MOK: variants seen among roughly 807,000 people sequenced by gnomAD.
MOK encodes MOK protein kinase.
Under a neutral mutation model 54.2 loss-of-function variants are expected in MOK, and 59 were observed. The observed-to-expected ratio is 1.09, with a 90% CI of 0.88 to 1.35. The LOEUF (loss-of-function observed/expected upper bound fraction) is 1.35, where lower values mean the gene tolerates loss of function less well. Among genes scored for constraint, MOK ranks in the 40% most tolerant of loss-of-function variants. The pLI, the probability that MOK is intolerant of heterozygous loss-of-function variation, is 0.00. For missense variants in MOK, 517 were observed against 526.2 expected, an observed-to-expected ratio of 0.98 and a Z score of 0.17; for synonymous variants, 210 against 202.7, an observed-to-expected ratio of 1.04 and a Z score of -0.31.
In MOK at chr14:102,245,790, C is replaced by T. The variant is rs1427143015; in HGVS notation, c.590+5022G>A. On this transcript the variant is annotated intron_variant, in intron 7 of 11. Transcript: ENST00000361847. The surrounding 1 kb of genome is among the most constrained non-coding windows in gnomAD (Gnocchi z 4.3). ...TGACACTTACAACCCCTACTGCAGCCAAACTCTCAGGACATACCCCCTAGT... is the reference window on the plus strand; with the variant it reads ...TGACACTTACAACCCCTACTGCAGCTAAACTCTCAGGACATACCCCCTAGT... Among the ~76,000 whole-genome samples the T allele has an allele frequency of 6.6e-6, 1 of 152,114 alleles. No individual in the cohort carries two copies. The highest frequency in any genetic ancestry group is 2.4e-5 in the African/African-American group (1 of 41,422).
downstream of MOK, chr14:102,225,588 T>A (rs2064210958): frequency 6.5e-6 from 1 of 152,698 alleles, no homozygotes; most frequent in South Asian, 2.1e-4. Flanking sequence ...CACCCTTCGC[T>A]GGTTCTGGAA....
rs1329391800 is a variant in MOK at position 102,235,303 on chromosome 14, T to C, written c.591-1514A>G. 1 of 152,284 alleles carries C rather than the reference T, an allele frequency of 6.6e-6. No homozygotes were observed. Among genetic ancestry groups the C allele is most frequent in the Non-Finnish European group, 1.5e-5 (1 of 68,058 alleles). The allele number at this position is 152,284 out of a possible 1,614,324, so 9.4% of individuals were successfully genotyped here. On this transcript the variant is annotated intron_variant, in intron 7 of 11. Transcript: ENST00000361847. This position sits in a 1 kb window ranked among gnomAD's most constrained non-coding sequence, Gnocchi z 4.4. Reference sequence around the variant, plus strand: ...CCCAAATTGAGAAACGTCCAGGTTCTTCTCCGATCCCGACACTTACATCAA... The same window carrying C: ...CCCAAATTGAGAAACGTCCAGGTTCCTCTCCGATCCCGACACTTACATCAA...
intron 4 of MOK, among the ~76,000 whole-genome samples, 187 bp from the exon 5 acceptor site, chr14:102,252,182 T>C (rs2066585907): frequency 1.3e-5 from 2 of 152,180 alleles, no homozygotes; most frequent in Non-Finnish European, 2.9e-5. Context: ...TTCCATATAC[T>C]GGCCAGGGGC....
intron 2 of MOK, chr14:102,278,764 C>T (rs758364454): frequency 5.1e-5 from 23 of 454,860 alleles, no homozygotes; most frequent in Admixed American, 3.3e-4. Flanking sequence ...GCATATAATT[C>T]ACCTAGTACT....
chr14:102,229,372 A>G lies in MOK; in HGVS notation c.1183-6T>C, dbSNP rs2064435269. On this transcript the variant is annotated splice_polypyrimidine_tract_variant and splice_region_variant and intron_variant, in intron 11 of 11. Coordinates refer to ENST00000361847, the MANE Select transcript of MOK (RefSeq NM_014226.3). ...AGGTCCTTCTGCGGATCTGTCTGTCAAAGAAAAATTACAGACACAAAATTC... is the reference window on the plus strand; with the variant it reads ...AGGTCCTTCTGCGGATCTGTCTGTCGAAGAAAAATTACAGACACAAAATTC... The G allele has an allele frequency of 6.2e-7, 1 of 1,614,068 alleles. No individual in the cohort carries two copies.
intron 7 of MOK, among the ~76,000 whole-genome samples, chr14:102,237,413 C>T (rs1405274746): frequency 3.9e-5 from 6 of 152,204 alleles, no homozygotes; most frequent in Non-Finnish European, 1.5e-5. Context: ...GCTATGACCC[C>T]TGCCCTAGCA....
intron 2 of MOK, among the ~76,000 whole-genome samples, chr14:102,272,164 C>T (rs1325191936): frequency 6.6e-6 from 1 of 152,188 alleles, no homozygotes; most frequent in Admixed American, 6.5e-5. Context: ...AGACGCCACG[C>T]CTAACTCCCT....
chr14:102,257,616 GCA>G (rs1005535681), intron 4 of MOK, among the ~76,000 whole-genome samples: 2 of 152,194 alleles, frequency 1.3e-5, no homozygotes, highest in African/African-American at 4.8e-5. Context: ...GCTACTCAAA[GCA>G]CAGTCCATGA....
intron 4 of MOK, among the ~76,000 whole-genome samples, chr14:102,254,519 A>G (rs1381013011): frequency 6.6e-6 from 1 of 152,144 alleles, no homozygotes; most frequent in Non-Finnish European, 1.5e-5. Context: ...TCATCTCATC[A>G]GGTGCTCCTG....
chr14:102,226,239 GTCT>G (rs1413162776), downstream of MOK: 22 of 656,814 alleles, frequency 3.3e-5, no homozygotes, highest in Middle Eastern at 1.3e-3. The surrounding 1 kb of genome is among the most constrained non-coding windows in gnomAD (Gnocchi z 4.8). Context: ...TCTGCCCGGT[GTCT>G]TCTTTAAGGT....
chr14:102,257,943 C>T lies in MOK; in HGVS notation c.283+5603G>A, dbSNP rs147717092. 4.5e-3 allele frequency among the ~76,000 whole-genome samples: 683 copies of T among 150,630 alleles called. 6 individuals are homozygous for T. The highest frequency in any genetic ancestry group is 0.015 in the African/African-American group (632 of 40,784). On this transcript the variant is annotated intron_variant, in intron 4 of 11. Coordinates refer to ENST00000361847, the MANE Select transcript of MOK (RefSeq NM_014226.3). ...AGTGAGCAGAGATCACGCCACTGCA[C>T]TCCAGCCTGCCAACAGAGTGAGACT...
intron 1 of MOK, among the ~76,000 whole-genome samples, chr14:102,296,054 T>C (rs2071385026): frequency 1.3e-5 from 2 of 152,074 alleles, no homozygotes; most frequent in Admixed American, 1.3e-4. Flanking sequence ...AAGACCAGCC[T>C]GGCCAATATG....
chr14:102,231,738 C>T lies in MOK; in HGVS notation c.950G>A (p.Ser317Asn). 1 of 1,611,904 alleles carries T rather than the reference C, an allele frequency of 6.2e-7. No homozygotes were observed. The highest frequency in any genetic ancestry group is 8.5e-7 in the Non-Finnish European group (1 of 1,179,384). ...TCTGCCCTCCTTGGAAATCTGGCAG[C>T]TGTTACTGAGTGGTTCCGGTGCCAC... ...HPVAPEPLSNSCQISKEGRKQ... is the reference protein window; with the variant it reads ...HPVAPEPLSNNCQISKEGRKQ... Residue 317 changes from serine to asparagine, a missense_variant, in exon 10 of 12, where the codon AGC (serine) becomes AAC (asparagine). Physicochemically the swap from Ser to Asn is conservative, Grantham distance 46 (BLOSUM62 1). Coordinates refer to ENST00000361847, the MANE Select transcript of MOK (RefSeq NM_014226.3). This position sits in a 1 kb window ranked among gnomAD's most constrained non-coding sequence, Gnocchi z 4.4.
At chr14:102,248,255 C>T (rs1486040718) in intron 7 of MOK, among the ~76,000 whole-genome samples, 1 of 152,210 alleles carries the variant, frequency 6.6e-6, no homozygotes, top group Non-Finnish European at 1.5e-5. Flanking sequence ...TCCCTCAAGC[C>T]TCTTTACATT....
At chr14:102,246,178 T>C (rs1941561656) in intron 7 of MOK, 1 of 152,144 alleles carries the variant, frequency 6.6e-6, no homozygotes, top group African/African-American at 2.4e-5. Flanking sequence ...ACAATCACTA[T>C]CAAACATTCC....
intron 1 of MOK, among the ~76,000 whole-genome samples, chr14:102,291,644 G>A (rs990972890): frequency 2.0e-5 from 3 of 152,138 alleles, no homozygotes; most frequent in African/African-American, 7.2e-5. Context: ...CAGCAGGCCT[G>A]GGACTTCTCT....
At position 102,260,983 on chromosome 14, in the gene MOK, C is replaced by T. The variant is rs186034253; in HGVS notation, c.283+2563G>A. Among the ~76,000 whole-genome samples the T allele has an allele frequency of 4.0e-4, 61 of 151,954 alleles. No homozygotes were observed. The East Asian group carries it at 7.9e-3, about 20-fold the overall frequency. On this transcript the variant is annotated intron_variant, in intron 4 of 11. Coordinates refer to ENST00000361847, the MANE Select transcript of MOK (RefSeq NM_014226.3). Reference sequence around the variant, plus strand: ...TAAAAATACAAAACAATTGGCTGGGCGCGGTGGCTCATGCCTGTAATCCTA... The same window carrying T: ...TAAAAATACAAAACAATTGGCTGGGTGCGGTGGCTCATGCCTGTAATCCTA...
At chr14:102,278,551 C>A in intron 2 of MOK, 1 of 412,486 alleles carries the variant, frequency 2.4e-6, no homozygotes, top group South Asian at 1.7e-5. Flanking sequence ...TTGGCATCAG[C>A]ATCTGCAGCT....
At chr14:102,288,007 T>C (rs1335087309) in intron 1 of MOK, among the ~76,000 whole-genome samples, 1 of 151,356 alleles carries the variant, frequency 6.6e-6, no homozygotes, top group East Asian at 1.9e-4. Context: ...GCTAATTTTT[T>C]GTATTTTTAG....
Sources: allele counts gnomAD v4.1 joint callset (sites outside exome capture counted in the v4.1 genomes callset), GRCh38; gene constraint gnomAD v4.1.1; non-coding constraint Gnocchi (gnomAD v3.1); transcripts MANE v1.5; gene names NCBI Gene and HGNC (gene_info 2026-07-23, HGNC 2026-07-21).